SPTBN4: variants seen among roughly 807,000 people sequenced by gnomAD.
SPTBN4 encodes the protein spectrin beta chain, non-erythrocytic 4.
SPTBN4 carries 96 observed loss-of-function variants against 277.8 expected under a neutral mutation model. The observed-to-expected ratio is 0.35, with a 90% confidence interval of 0.29 to 0.41. The LOEUF is 0.41. SPTBN4 is among the 10% of genes least tolerant of loss of function. The pLI, the probability that SPTBN4 is intolerant of heterozygous loss-of-function variation, is 1.00. For synonymous variants in SPTBN4, 1,481 were observed against 1,580.3 expected (o/e 0.94, Z 1.49); for missense variants, 3,006 against 3,595.7 (o/e 0.84, Z 4.19).
intron 3 of SPTBN4, among the ~76,000 whole-genome samples, chr19:40,488,846 A>G (rs1021466924): frequency 6.6e-6 from 1 of 151,648 alleles, no homozygotes; most frequent in African/African-American, 2.4e-5. Context: ...TCTTTTAAAT[A>G]GATACGAGGC....
chr19:40,517,382 C>T (rs1399303073), intron 15 of SPTBN4, among the ~76,000 whole-genome samples: 1 of 151,936 alleles, frequency 6.6e-6, no homozygotes, highest in African/African-American at 2.4e-5. Flanking sequence ...CTTCACCGCC[C>T]CCGACCCGAG....
At chr19:40,469,514 C>G (rs1298049018) in intron 1 of SPTBN4, among the ~76,000 whole-genome samples, 1 of 151,860 alleles carries the variant, frequency 6.6e-6, no homozygotes. Context: ...CCACCCGCCT[C>G]AGACTCCCAA....
chr19:40,534,390 G>C, intron 20 of SPTBN4, 47 bp downstream of exon 20: 1 of 1,593,660 alleles, frequency 6.3e-7, no homozygotes, highest in South Asian at 1.1e-5. Flanking sequence ...CCACATGGGG[G>C]CCAGGTCAGG....
intron 17 of SPTBN4, among the ~76,000 whole-genome samples, chr19:40,526,712 G>A (rs775030976): frequency 6.6e-6 from 1 of 152,088 alleles, no homozygotes; most frequent in Non-Finnish European, 1.5e-5. Context: ...AGCCTTCTGA[G>A]TAGCTGGGAC....
chr19:40,570,450 G>T lies in SPTBN4; in HGVS notation c.7041G>T (p.Gln2347His). 1 of 1,564,026 alleles carries T rather than the reference G, an allele frequency of 6.4e-7. No individual in the cohort carries two copies. The highest frequency in any genetic ancestry group is 1.1e-5 in the South Asian group (1 of 88,906). Reference sequence around the variant, plus strand: ...CCTTCACACAGCCGTCGCTGCCTCAGCCACGCGAGCTTCCCCCAGGTCGCC... The same window carrying T: ...CCTTCACACAGCCGTCGCTGCCTCATCCACGCGAGCTTCCCCCAGGTCGCC... ...PGLPAGPSLPQPRELPPGRLP... is the reference protein window; with the variant it reads ...PGLPAGPSLPHPRELPPGRLP... Residue 2347 changes from glutamine to histidine, a missense_variant, in exon 33 of 36, where the codon CAG becomes CAT. Gln to His is a conservative substitution (Grantham distance 24). This residue lies in a region of SPTBN4 where 630 missense variants were observed against 677.6 expected (regional missense o/e 0.93). Coordinates refer to ENST00000598249, the MANE Select transcript of SPTBN4 (RefSeq NM_020971.3).
Position 40,504,149 on chromosome 19 carries a change from G to GCCCCCC in SPTBN4, c.1665+17_1665+18insCCCCCC. 1 of 1,080,370 alleles carries GCCCCCC rather than the reference G, an allele frequency of 9.3e-7. No individual in the cohort carries two copies. Among genetic ancestry groups the GCCCCCC allele is most frequent in the Non-Finnish European group, 1.4e-6 (1 of 735,092 alleles). The allele number at this position is 1,080,370 out of a possible 1,614,324, so 66.9% of individuals were successfully genotyped here. ...GAGATGCAGGTGCCGGCGGGGGGGC[G>GCCCCCC]GGGATGCGGGTGGAGTGCCAGGAGG... is the stretch of plus-strand genomic sequence containing the variant. On this transcript the variant is annotated intron_variant, in intron 12 of 35. Coordinates refer to ENST00000598249, the MANE Select transcript of SPTBN4 (RefSeq NM_020971.3).
chr19:40,509,827 T>A (rs910219750), intron 13 of SPTBN4, among the ~76,000 whole-genome samples: 1 of 152,142 alleles, frequency 6.6e-6, no homozygotes, highest in Non-Finnish European at 1.5e-5. Context: ...CTGGGTCACA[T>A]CCTAAATGCA....
intron 20 of SPTBN4, among the ~76,000 whole-genome samples, chr19:40,539,349 G>A (rs2080773206): frequency 6.6e-6 from 1 of 152,272 alleles, no homozygotes; most frequent in African/African-American, 2.4e-5. Context: ...GATAGCAGGA[G>A]TGTGGGAAGC....
At chr19:40,511,964 A>G (rs369132236) in intron 13 of SPTBN4, among the ~76,000 whole-genome samples, 145 of 152,252 alleles carry the variant, frequency 9.5e-4, no homozygotes, top group African/African-American at 3.3e-3. Flanking sequence ...TCTCTACTAA[A>G]AATACAAAAA....
chr19:40,509,085 CT>C (rs35597606), intron 13 of SPTBN4, among the ~76,000 whole-genome samples: 22,698 of 100,090 alleles, frequency 0.23, 1,987 homozygotes, highest in African/African-American at 0.31. Context: ...TTGTTTATTG[CT>C]TTTTTTTTTT....
intron 20 of SPTBN4, among the ~76,000 whole-genome samples, chr19:40,535,699 G>A (rs536664165): frequency 2.4e-4 from 36 of 152,294 alleles, no homozygotes; most frequent in African/African-American, 7.2e-4. Flanking sequence ...TCGGGAGGCC[G>A]AGGCGGGCGG....
chr19:40,548,587 T>C (rs1599793292), intron 20 of SPTBN4, among the ~76,000 whole-genome samples: 1 of 151,884 alleles, frequency 6.6e-6, no homozygotes, highest in Non-Finnish European at 1.5e-5. Context: ...TGATGGCAGG[T>C]GCCTGTAATC....
chr19:40,511,985 G>T (rs996630943), intron 13 of SPTBN4, among the ~76,000 whole-genome samples: 2 of 152,192 alleles, frequency 1.3e-5, no homozygotes, highest in South Asian at 4.2e-4. Context: ...TGAGCCAGGC[G>T]TGGTGGCGGG....
chr19:40,570,940 C>T, intron 33 of SPTBN4: 1 of 503,950 alleles, frequency 2.0e-6, no homozygotes, highest in East Asian at 3.7e-5. Context: ...TCAGGCCCTC[C>T]AACCCGTGGG....
chr19:40,499,303 G>A lies in SPTBN4; in HGVS notation c.784+1699G>A, dbSNP rs1372729390. ...GATCTGCTTGCCTCGTCCTCCCAAA[G>A]AGCTGGGATTACAGGCGTGAGCCAT... On this transcript the variant is annotated intron_variant, in intron 7 of 35. Transcript: ENST00000598249. Among the ~76,000 whole-genome samples, 9 of 150,702 alleles carry A rather than the reference G, an allele frequency of 6.0e-5. No homozygotes were observed. In the South Asian group the frequency reaches 1.9e-3, roughly 32 times the overall value.
rs1381630699 is a variant in SPTBN4, at chr19:40,479,700, ATATT to A, written c.169+6913_169+6916del. ...CATATATATATATATATATATATAT[ATATT>A]TAACTTTTTATTATTAAAGTAGTTC... On this transcript the variant is annotated intron_variant, in intron 2 of 35. Transcript: ENST00000598249. Among the ~76,000 whole-genome samples, 3 of 145,228 alleles carry A rather than the reference ATATT, an allele frequency of 2.1e-5. No individual in the cohort carries two copies. The Admixed American group carries it at 2.1e-4, about 10-fold the overall frequency.
At position 40,550,413 on chromosome 19, in the gene SPTBN4, G is replaced by T. The variant is rs990166866; in HGVS notation, c.4674+86G>T. The T allele has an allele frequency of 1.9e-5, 24 of 1,233,136 alleles. 1 individual carries two copies. In the Admixed American group the frequency reaches 4.3e-4, roughly 22 times the overall value. The allele number at this position is 1,233,136 out of a possible 1,614,324, so 76.4% of individuals were successfully genotyped here. A position where few individuals can be genotyped will look rare whatever the true frequency, so the allele number is the denominator to read the frequency against. Reference sequence around the variant, plus strand: ...TGAAGGTGGTTAAAGCCAAAACAATGAATGTATTGGCTTTTGGAATTAACA... The same window carrying T: ...TGAAGGTGGTTAAAGCCAAAACAATTAATGTATTGGCTTTTGGAATTAACA... On this transcript the variant is annotated intron_variant, in intron 22 of 35. Coordinates refer to ENST00000598249, the MANE Select transcript of SPTBN4 (RefSeq NM_020971.3).
intron 13 of SPTBN4, among the ~76,000 whole-genome samples, chr19:40,507,450 T>A (rs966214832): frequency 1.3e-5 from 2 of 151,824 alleles, no homozygotes; most frequent in Non-Finnish European, 2.9e-5. Flanking sequence ...ATGCCTGTAA[T>A]TCCAGAGCTT....
In SPTBN4 at chr19:40,572,358, T is replaced by G. The variant is rs1347262530; in HGVS notation, c.7514T>G (p.Phe2505Cys). ...FKLQTQDGSE[F>C]LLQAKDEEEM... ...TGCAGGACCCAGGATGGCAGTGAGT[T>G]TTTGCTCCAGGCAAAAGATGAGGTG... The change falls in exon 35 of 36, where the codon TTT (phenylalanine) becomes TGT (cysteine). Residue 2505 changes from phenylalanine (F) to cysteine (C), a missense_variant. By Grantham distance (205) the Phe-to-Cys change is radical. Coordinates refer to ENST00000598249, the MANE Select transcript of SPTBN4 (RefSeq NM_020971.3). 1.9e-6 allele frequency: 3 copies of G among 1,614,134 alleles called. No homozygotes were observed. In the East Asian group the frequency reaches 6.7e-5, roughly 36 times the overall value.
Sources: allele counts gnomAD v4.1 joint callset (sites outside exome capture counted in the v4.1 genomes callset), GRCh38; gene constraint gnomAD v4.1.1; regional missense constraint gnomAD v4.1.1; transcripts MANE v1.5; gene names NCBI Gene and HGNC (gene_info 2026-07-23, HGNC 2026-07-21).